The following ITFG1 variants were observed in gnomAD, a reference collection of about 807,000 sequenced individuals.
ITFG1 encodes T-cell immunomodulatory protein.
Under a neutral mutation model 81.8 loss-of-function variants are expected in ITFG1, and 34 were observed. The ratio of observed to expected loss-of-function variants is 0.42; its 90% CI spans 0.32 to 0.55. The LOEUF is 0.55. ITFG1 is among the 20% of genes least tolerant of loss of function. ITFG1 has a pLI of 0.17. For synonymous variants in ITFG1, 285 were observed against 270.6 expected, an observed-to-expected ratio of 1.05 and a Z score of -0.52; for missense variants, 672 against 755.4, an observed-to-expected ratio of 0.89 and a Z score of 1.29.
At chr16:47,213,313 A>G (rs1268962005) in intron 14 of ITFG1, among the ~76,000 whole-genome samples, 1 of 152,118 alleles carries the variant, frequency 6.6e-6, no homozygotes, top group Non-Finnish European at 1.5e-5. Context: ...TTAAATTAAA[A>G]TTTTTTAATT....
At chr16:47,413,019 A>AT (rs1968831019) in intron 6 of ITFG1, among the ~76,000 whole-genome samples, 1 of 152,138 alleles carries the variant, frequency 6.6e-6, no homozygotes, top group African/African-American at 2.4e-5. Context: ...TATTCAGATA[A>AT]TTCCTGTGAG....
At chr16:47,159,316 T>C (rs1381985783) in intron 16 of ITFG1, among the ~76,000 whole-genome samples, 2 of 152,174 alleles carry the variant, frequency 1.3e-5, no homozygotes, top group Non-Finnish European at 2.9e-5. Flanking sequence ...CTTTGGATAA[T>C]CATAGACATC....
Position 47,375,914 on chromosome 16 carries a change from T to C in ITFG1, c.682A>G (p.Thr228Ala). Residue 228 changes from threonine (T) to alanine (A), a missense_variant, in exon 7 of 18, where the codon ACC (threonine) becomes GCC (alanine). Coordinates refer to ENST00000320640, the MANE Select transcript of ITFG1 (RefSeq NM_030790.5). The part of the protein sequence containing the change: ...ADLFLTTLNA[T>A]TSTFQFEIWE... ...ATTTCAAACTGGAAGGTACTAGTGG[T>C]GGCATTCAATGTCGTCAGGAATAAA... 2.5e-6 allele frequency: 4 copies of C among 1,606,542 alleles called. No individual in the cohort carries two copies. Among genetic ancestry groups the C allele is most frequent in the Non-Finnish European group, 3.4e-6 (4 of 1,173,802 alleles).
intron 8 of ITFG1, among the ~76,000 whole-genome samples, chr16:47,345,325 G>A (rs1199521914): frequency 6.7e-6 from 1 of 149,992 alleles, no homozygotes; most frequent in African/African-American, 2.5e-5. Context: ...TTTTTAGACA[G>A]AGTCTCACTC....
intron 8 of ITFG1, among the ~76,000 whole-genome samples, chr16:47,353,996 A>C (rs144310921): frequency 1.3e-5 from 2 of 152,320 alleles, no homozygotes; most frequent in African/African-American, 2.4e-5. Context: ...CTACAGATTC[A>C]CTGCAATCCC....
intron 10 of ITFG1, among the ~76,000 whole-genome samples, chr16:47,296,907 T>G (rs1298744622): frequency 6.6e-6 from 1 of 152,226 alleles, no homozygotes; most frequent in Non-Finnish European, 1.5e-5. Context: ...AAGAATTATA[T>G]GGTTAGAATG....
At chr16:47,379,113 CCAAT>C (rs1968363123) in intron 6 of ITFG1, among the ~76,000 whole-genome samples, 1 of 152,144 alleles carries the variant, frequency 6.6e-6, no homozygotes, top group South Asian at 2.1e-4. Flanking sequence ...TAGTCTGCAT[CCAAT>C]CAATGGTCAA....
At chr16:47,285,194 G>C (rs984526658) in intron 10 of ITFG1, among the ~76,000 whole-genome samples, 1 of 152,090 alleles carries the variant, frequency 6.6e-6, no homozygotes, top group East Asian at 1.9e-4. Context: ...ACACTCCCAT[G>C]AGAGAGTCCC....
chr16:47,158,044 C>A (rs1159767953), intron 17 of ITFG1, among the ~76,000 whole-genome samples: 1 of 152,060 alleles, frequency 6.6e-6, no homozygotes, highest in African/African-American at 2.4e-5. Flanking sequence ...TACTAAAGAA[C>A]AGAAATCAGT....
intron 10 of ITFG1, among the ~76,000 whole-genome samples, chr16:47,300,984 T>A (rs1009029735): frequency 6.6e-6 from 1 of 152,238 alleles, no homozygotes; most frequent in Non-Finnish European, 1.5e-5. Flanking sequence ...CCTAATTAAT[T>A]CATAAATAAG....
chr16:47,376,318 CTA>C (rs146407637), intron 6 of ITFG1, among the ~76,000 whole-genome samples: 1,718 of 152,096 alleles, frequency 0.011, 13 homozygotes, highest in Non-Finnish European at 0.019. Flanking sequence ...CAACACTTAC[CTA>C]TATATCATAG....
chr16:47,164,776 G>A (rs1014694530), intron 14 of ITFG1, among the ~76,000 whole-genome samples: 1 of 152,256 alleles, frequency 6.6e-6, no homozygotes, highest in African/African-American at 2.4e-5. Context: ...CAGACAAAAT[G>A]TTGATAGTAA....
chr16:47,290,135 T>A (rs1174353853), intron 10 of ITFG1, among the ~76,000 whole-genome samples: 1 of 152,184 alleles, frequency 6.6e-6, no homozygotes, highest in Non-Finnish European at 1.5e-5. Flanking sequence ...TTTCAAAAGT[T>A]TCTTTGGTTA....
At chr16:47,419,290 A>G (rs745860822) in intron 6 of ITFG1, among the ~76,000 whole-genome samples, 3 of 151,510 alleles carry the variant, frequency 2.0e-5, no homozygotes, top group Non-Finnish European at 4.4e-5. Context: ...TTTTTTTGAG[A>G]CAGGGTCTCA....
At chr16:47,443,167 T>C (rs949045388) in intron 5 of ITFG1, among the ~76,000 whole-genome samples, 1 of 152,188 alleles carries the variant, frequency 6.6e-6, no homozygotes, top group African/African-American at 2.4e-5. Flanking sequence ...TCACTGGCCA[T>C]CAGAGAAATG....
chr16:47,369,010 TCTTTA>T (rs1221321609), intron 7 of ITFG1, among the ~76,000 whole-genome samples: 2 of 152,234 alleles, frequency 1.3e-5, no homozygotes, highest in African/African-American at 4.8e-5. Context: ...CATCACTTGT[TCTTTA>T]CTTTGCTTAG....
intron 13 of ITFG1, among the ~76,000 whole-genome samples, chr16:47,236,797 C>T (rs1965880517): frequency 1.3e-5 from 2 of 152,244 alleles, no homozygotes; most frequent in South Asian, 4.1e-4. Context: ...ATGCATGCTG[C>T]AGTGACTGTG....
intron 8 of ITFG1, among the ~76,000 whole-genome samples, chr16:47,327,485 T>G (rs1247124374): frequency 6.6e-6 from 1 of 152,076 alleles, no homozygotes; most frequent in African/African-American, 2.4e-5. Context: ...GGGATCTAAT[T>G]AAACTAAAGA....
At chr16:47,377,671 C>T (rs1968344359) in intron 6 of ITFG1, among the ~76,000 whole-genome samples, 1 of 152,124 alleles carries the variant, frequency 6.6e-6, no homozygotes, top group Non-Finnish European at 1.5e-5. Flanking sequence ...GAGTTCCTTC[C>T]TCTCCCTAGA....
Sources: gnomAD v4.1 joint callset for allele counts (sites outside exome capture counted in the v4.1 genomes callset) on GRCh38, gnomAD v4.1.1 for gene constraint, MANE v1.5 for transcripts, NCBI Gene and HGNC (gene_info 2026-07-23, HGNC 2026-07-21) for gene names.